The following ARHGAP22 variants were observed in gnomAD, a reference collection of about 807,000 sequenced individuals.
ARHGAP22 encodes rho GTPase-activating protein 22.
ARHGAP22 carries 48 observed loss-of-function variants against 59.1 expected under a neutral mutation model. That is an observed-to-expected ratio of 0.81 (90% CI 0.64 to 1.03). ARHGAP22 has a LOEUF of 1.03. Ranked by LOEUF, ARHGAP22 falls within the 50% of genes least tolerant of loss-of-function variation. The probability of loss-of-function intolerance (pLI) is 0.00; values close to 1 mark genes in which losing one functional copy is unlikely to be tolerated. For synonymous variants in ARHGAP22, 445 were observed against 416.4 expected, an observed-to-expected ratio of 1.07 and a Z score of -0.84; for missense variants, 1,015 against 958.7, an observed-to-expected ratio of 1.06 and a Z score of -0.78.
At position 48,642,658 on chromosome 10, in the gene ARHGAP22, C is replaced by T. The variant is rs565821612; in HGVS notation, c.52+9576G>A. On this transcript the variant is annotated intron_variant, in intron 1 of 9. Coordinates refer to the ARHGAP22 transcript ENST00000435790. Reference sequence around the variant, plus strand: ...CCCTAGAAGAAAACCTAGGCAATACCATTCAGGACATAGGCATGGGCAAGG... The same window carrying T: ...CCCTAGAAGAAAACCTAGGCAATACTATTCAGGACATAGGCATGGGCAAGG... 8.9e-4 allele frequency among the ~76,000 whole-genome samples: 135 copies of T among 152,294 alleles called. 1 individual carries two copies. The highest frequency in any genetic ancestry group is 3.2e-3 in the African/African-American group (133 of 41,554).
intron 4 of ARHGAP22, among the ~76,000 whole-genome samples, chr10:48,475,016 G>A (rs1394278056): frequency 6.6e-6 from 1 of 152,026 alleles, no homozygotes; most frequent in East Asian, 1.9e-4. Context: ...TCCAGCTGCT[G>A]TCCCCATTTC....
chr10:48,604,717 A>G, intron 1 of ARHGAP22, 46 bp downstream of exon 1: 1 of 1,614,190 alleles, frequency 6.2e-7, no homozygotes, highest in Non-Finnish European at 8.5e-7. Context: ...ACGTTTGCCA[A>G]GAGGCACATG....
At chr10:48,584,868 C>T (rs2059331337) in intron 1 of ARHGAP22, among the ~76,000 whole-genome samples, 1 of 152,040 alleles carries the variant, frequency 6.6e-6, no homozygotes, top group Admixed American at 6.5e-5. Flanking sequence ...GTTGCAGGAG[C>T]CTGTAGTCCC....
chr10:48,534,310 G>A (rs2055146659), intron 3 of ARHGAP22, among the ~76,000 whole-genome samples: 1 of 152,198 alleles, frequency 6.6e-6, no homozygotes, highest in Admixed American at 6.5e-5. Flanking sequence ...GCCCAGGGAG[G>A]GATTTACAAA....
chr10:48,477,845 A>G (rs1004039550), intron 4 of ARHGAP22, among the ~76,000 whole-genome samples: 2 of 152,144 alleles, frequency 1.3e-5, no homozygotes, highest in African/African-American at 4.8e-5. Flanking sequence ...TGCCTCATTC[A>G]TTTGTAGGAG....
chr10:48,478,269 A>G (rs2048930886), intron 4 of ARHGAP22, among the ~76,000 whole-genome samples: 2 of 152,242 alleles, frequency 1.3e-5, no homozygotes, highest in Admixed American at 6.5e-5. Flanking sequence ...TGCAACCTTC[A>G]GGGATCAAGG....
intron 3 of ARHGAP22, among the ~76,000 whole-genome samples, chr10:48,540,628 T>C (rs1045261934): frequency 4.6e-5 from 7 of 152,126 alleles, no homozygotes; most frequent in Non-Finnish European, 8.8e-5. Flanking sequence ...ATTGAAAATA[T>C]TGCATGAGCC....
Position 48,630,771 on chromosome 10 carries a change from T to C in ARHGAP22, c.52+21463A>G, listed in dbSNP as rs889436563. Among the ~76,000 whole-genome samples the C allele has an allele frequency of 2.0e-5, 3 of 152,366 alleles. No homozygotes were observed. The East Asian group carries it at 5.8e-4, about 29-fold the overall frequency. On this transcript the variant is annotated intron_variant, in intron 1 of 9. Coordinates refer to the ARHGAP22 transcript ENST00000435790. ...ATTTTATTTCTTCCTCCATTCTGTA[T>C]ATATATGGCTTCCTTCTCTTGTCTT...
At chr10:48,433,958 A>T in the ARHGAP22 span, among the ~76,000 whole-genome samples, 1 of 152,196 alleles carries the variant, frequency 6.6e-6, no homozygotes. Context: ...CCAATTTGGA[A>T]TGACCCTTAT....
chr10:48,620,152 T>C (rs145171353), intron 1 of ARHGAP22, among the ~76,000 whole-genome samples: 7 of 152,330 alleles, frequency 4.6e-5, no homozygotes, highest in African/African-American at 1.7e-4. Flanking sequence ...TGGGCCAAAG[T>C]CTTGGGAAAG....
chr10:48,546,176 GGTCC>G (rs1358880846), intron 3 of ARHGAP22, among the ~76,000 whole-genome samples: 1 of 152,120 alleles, frequency 6.6e-6, no homozygotes, highest in Non-Finnish European at 1.5e-5. Flanking sequence ...CTCCCACAGG[GGTCC>G]CCGCTACTCC....
rs117436689 is a variant in ARHGAP22 at position 48,487,384 on chromosome 10, C to G, written c.323-7620G>C. ...TGCAGATGGAATTAAAGTTGCTAATCAGCTGGCTGCTTTAAACTAGGAAGA... is the reference window on the plus strand; with the variant it reads ...TGCAGATGGAATTAAAGTTGCTAATGAGCTGGCTGCTTTAAACTAGGAAGA... On this transcript the variant is annotated intron_variant, in intron 3 of 9. Coordinates refer to ENST00000249601, the MANE Select transcript of ARHGAP22 (RefSeq NM_021226.4). 2.4e-4 allele frequency among the ~76,000 whole-genome samples: 36 copies of G among 152,282 alleles called. No homozygotes were observed. In the East Asian group the frequency reaches 6.2e-3, roughly 26 times the overall value.
intron 1 of ARHGAP22, among the ~76,000 whole-genome samples, chr10:48,589,864 C>G (rs988272249): frequency 2.0e-4 from 30 of 152,156 alleles, no homozygotes; most frequent in African/African-American, 7.2e-4. Context: ...AAATCTTACT[C>G]TTTTCACAGA....
At chr10:48,581,311 A>G (rs1439729824) in intron 2 of ARHGAP22, among the ~76,000 whole-genome samples, 1 of 152,202 alleles carries the variant, frequency 6.6e-6, no homozygotes, top group African/African-American at 2.4e-5. Flanking sequence ...TGTTCTCTGG[A>G]ACACACCTTC....
intron 3 of ARHGAP22, among the ~76,000 whole-genome samples, chr10:48,529,071 T>A (rs546428786): frequency 6.6e-6 from 1 of 152,310 alleles, no homozygotes; most frequent in East Asian, 1.9e-4. Context: ...CATTAAGAAC[T>A]TGCTCTTTAC....
At chr10:48,558,354 T>TTG (rs1554912056) in intron 2 of ARHGAP22, among the ~76,000 whole-genome samples, 38 of 150,788 alleles carry the variant, frequency 2.5e-4, no homozygotes, top group Middle Eastern at 3.4e-3. Context: ...TTTTTTTGTT[T>TTG]TTTTGTTTTG....
intron 1 of ARHGAP22, among the ~76,000 whole-genome samples, chr10:48,622,056 C>T (rs971008886): frequency 3.3e-5 from 5 of 152,114 alleles, no homozygotes; most frequent in Admixed American, 6.5e-5. Context: ...TCCTAGACAG[C>T]ATATTGTTGG....
intron 3 of ARHGAP22, among the ~76,000 whole-genome samples, chr10:48,491,725 G>A (rs986075462): frequency 2.6e-5 from 4 of 152,262 alleles, no homozygotes; most frequent in East Asian, 1.9e-4. Context: ...ACAGACTGAT[G>A]AGCGTGAGTA....
At chr10:48,565,481 C>T (rs1374756213) in intron 2 of ARHGAP22, among the ~76,000 whole-genome samples, 1 of 152,178 alleles carries the variant, frequency 6.6e-6, no homozygotes, top group South Asian at 2.1e-4. Flanking sequence ...AGGTTTAGTG[C>T]CCAGTAAGAG....
Sources: gnomAD v4.1 joint callset for allele counts (sites outside exome capture counted in the v4.1 genomes callset) on GRCh38, gnomAD v4.1.1 for gene constraint, MANE v1.5 for transcripts, NCBI Gene and HGNC (gene_info 2026-07-23, HGNC 2026-07-21) for gene names.